COPS3: variants seen among roughly 807,000 people sequenced by gnomAD.
The protein encoded by COPS3 is COP9 signalosome subunit 3.
COPS3 carries 10 observed loss-of-function variants against 58.2 expected under a neutral mutation model. The observed-to-expected ratio is 0.17, with a 90% CI of 0.11 to 0.29. COPS3 has a LOEUF of 0.29. COPS3 is among the 10% of genes least tolerant of loss of function. The pLI is 1.00. For missense variants in COPS3, 333 were observed against 510.1 expected, an observed-to-expected ratio of 0.65 and a Z score of 3.34; for synonymous variants, 187 against 181.7, an observed-to-expected ratio of 1.03 and a Z score of -0.24.
intron 1 of COPS3, among the ~76,000 whole-genome samples, chr17:17,278,481 A>G (rs1247220401): frequency 2.0e-5 from 3 of 152,236 alleles, no homozygotes; most frequent in Non-Finnish European, 2.9e-5. Flanking sequence ...CATGCATTAC[A>G]AAACAAGAAT....
intron 5 of COPS3, among the ~76,000 whole-genome samples, chr17:17,267,165 G>A (rs1176122752): frequency 1.3e-5 from 2 of 151,406 alleles, no homozygotes; most frequent in African/African-American, 4.8e-5. Flanking sequence ...GTAAAACCCC[G>A]TGTCTACTAA....
intron 8 of COPS3, among the ~76,000 whole-genome samples, chr17:17,258,754 T>C (rs2048031904): frequency 6.6e-6 from 1 of 152,210 alleles, no homozygotes; most frequent in South Asian, 2.1e-4. Context: ...TCCTGGTCTT[T>C]TAAACCTGTA....
At chr17:17,252,677 C>T (rs1369942994) in intron 9 of COPS3, among the ~76,000 whole-genome samples, 1 of 152,202 alleles carries the variant, frequency 6.6e-6, no homozygotes, top group African/African-American at 2.4e-5. Flanking sequence ...ACTTTGACCC[C>T]GCAACGCGTT....
intron 10 of COPS3, 198 bp from the exon 11 acceptor site, chr17:17,247,758 C>T (rs1206013015): frequency 2.0e-6 from 1 of 499,080 alleles, no homozygotes; most frequent in Non-Finnish European, 3.6e-6. Flanking sequence ...AAATATCCCA[C>T]CCAGCAGGAT....
At chr17:17,261,482 C>T (rs549596397) in intron 7 of COPS3, 5 of 267,412 alleles carry the variant, frequency 1.9e-5, no homozygotes, top group Non-Finnish European at 2.8e-5. Context: ...GCTGAGATCA[C>T]GCCACTGCAC....
intron 9 of COPS3, among the ~76,000 whole-genome samples, chr17:17,250,801 G>C (rs189873474): frequency 5.9e-5 from 9 of 152,320 alleles, no homozygotes; most frequent in Admixed American, 3.9e-4. Context: ...GGAAGGGATA[G>C]ATGCTATTTA....
chr17:17,247,816 G>A lies in COPS3; in HGVS notation c.1138-256C>T, dbSNP rs147912683. The A allele has an allele frequency of 5.2e-4, 203 of 389,704 alleles. 1 individual carries two copies. The East Asian group carries it at 7.6e-3, about 15-fold the overall frequency. The allele number at this position is 389,704 out of a possible 1,614,324, so 24.1% of individuals were successfully genotyped here. On this transcript the variant is annotated intron_variant, in intron 10 of 11. Coordinates refer to ENST00000268717, the MANE Select transcript of COPS3 (RefSeq NM_003653.4). ...CACATAGTATCTTTTGCAGTGAAACGAGTATATTCATGCTGAGATAAATGA... is the reference window on the plus strand; with the variant it reads ...CACATAGTATCTTTTGCAGTGAAACAAGTATATTCATGCTGAGATAAATGA...
At chr17:17,266,597 A>C (rs1282530982) in intron 5 of COPS3, among the ~76,000 whole-genome samples, 1 of 151,694 alleles carries the variant, frequency 6.6e-6, no homozygotes, top group African/African-American at 2.4e-5. Flanking sequence ...TCAGGAGTTC[A>C]AGACCAGCCT....
chr17:17,249,776 G>A (rs1187977393), intron 9 of COPS3, among the ~76,000 whole-genome samples: 1 of 152,196 alleles, frequency 6.6e-6, no homozygotes, highest in Non-Finnish European at 1.5e-5. Context: ...ACAGGCGTAA[G>A]CCACCGCGCC....
At chr17:17,257,666 G>A (rs1322096350) in intron 8 of COPS3, among the ~76,000 whole-genome samples, 2 of 151,320 alleles carry the variant, frequency 1.3e-5, no homozygotes, top group African/African-American at 4.9e-5. Flanking sequence ...GTGTGGTGGC[G>A]GGCACCTGTA....
At chr17:17,272,784 C>A (rs2048380313) in intron 2 of COPS3, among the ~76,000 whole-genome samples, 1 of 152,142 alleles carries the variant, frequency 6.6e-6, no homozygotes, top group Non-Finnish European at 1.5e-5. Flanking sequence ...TGCCTATAGT[C>A]CTAGCTTCTC....
intron 2 of COPS3, among the ~76,000 whole-genome samples, chr17:17,273,617 G>C (rs779683788): frequency 8.5e-5 from 13 of 152,082 alleles, no homozygotes; most frequent in Non-Finnish European, 1.9e-4. Context: ...TTGGGAGGCT[G>C]AGATGGGCAG....
In COPS3 at chr17:17,247,217, T is replaced by C. The variant is rs921101913; in HGVS notation, c.1219-66A>G. On this transcript the variant is annotated intron_variant, in intron 11 of 11. Coordinates refer to ENST00000268717, the MANE Select transcript of COPS3 (RefSeq NM_003653.4). ...TATCAAGGGTTCCCCGGCAGCCCAA[T>C]AAGCACACCAGTTGCCCTGTCCCTC... The C allele has an allele frequency of 2.0e-6, 3 of 1,465,156 alleles. No individual in the cohort carries two copies. In the African/African-American group the frequency reaches 4.2e-5, roughly 20 times the overall value. The allele number at this position is 1,465,156 out of a possible 1,614,324, so 90.8% of individuals were successfully genotyped here. A position where few individuals can be genotyped will look rare whatever the true frequency, so the allele number is the denominator to read the frequency against.
At chr17:17,260,261 G>A in intron 8 of COPS3, 40 bp downstream of exon 8, 1 of 1,594,812 alleles carries the variant, frequency 6.3e-7, no homozygotes. Flanking sequence ...TGGCCCCCAG[G>A]GGGTCAGGAG....
At chr17:17,273,539 C>T (rs929006819) in intron 2 of COPS3, among the ~76,000 whole-genome samples, 13 of 151,886 alleles carry the variant, frequency 8.6e-5, no homozygotes, top group African/African-American at 3.1e-4. Context: ...GGAAACATAG[C>T]AAGACCCCAT....
intron 2 of COPS3, among the ~76,000 whole-genome samples, chr17:17,274,511 G>A (rs532199369): frequency 2.0e-3 from 294 of 149,790 alleles, no homozygotes; most frequent in Non-Finnish European, 3.1e-3. Flanking sequence ...TGCAACCTCC[G>A]CCTCCCAGGT....
At chr17:17,277,911 A>G (rs1272738770) in intron 1 of COPS3, among the ~76,000 whole-genome samples, 1 of 152,096 alleles carries the variant, frequency 6.6e-6, no homozygotes, top group Admixed American at 6.6e-5. Context: ...AGGTGGGCAG[A>G]TATCTCGAGG....
chr17:17,280,412 A>C (rs908986053), intron 1 of COPS3, among the ~76,000 whole-genome samples: 2 of 151,318 alleles, frequency 1.3e-5, no homozygotes, highest in African/African-American at 4.9e-5. Flanking sequence ...AAAAAAAAAA[A>C]AGCCGTGTGA....
At chr17:17,280,627 G>A (rs948185638) in intron 1 of COPS3, 5 of 1,303,362 alleles carry the variant, frequency 3.8e-6, no homozygotes, top group Non-Finnish European at 5.1e-6. Flanking sequence ...ACAGGTTCCC[G>A]AGCGTGCGCC....
Sources: allele counts gnomAD v4.1 joint callset (sites outside exome capture counted in the v4.1 genomes callset), GRCh38; gene constraint gnomAD v4.1.1; transcripts MANE v1.5; gene names NCBI Gene and HGNC (gene_info 2026-07-23, HGNC 2026-07-21).